Variants in GABRB3 observed in about 807,000 individuals in gnomAD.
The protein encoded by GABRB3 is gamma-aminobutyric acid type A receptor subunit beta3.
In GABRB3, 14 loss-of-function variants were observed where a neutral mutation model predicts 52.1. The observed-to-expected ratio is 0.27, with a 90% CI of 0.18 to 0.42. GABRB3 has a LOEUF of 0.42. Among genes scored for constraint, GABRB3 ranks in the 10% least tolerant of loss-of-function variants. The pLI is 1.00. For synonymous variants in GABRB3, 260 were observed against 232.3 expected (o/e 1.12, Z -1.08); for missense variants, 307 against 609.1 (o/e 0.50, Z 5.22).
chr15:26,759,228 C>G (rs980229630), intron 3 of GABRB3, among the ~76,000 whole-genome samples: 3 of 151,152 alleles, frequency 2.0e-5, no homozygotes, highest in African/African-American at 7.4e-5. Flanking sequence ...ATTAATAAGA[C>G]TAGGAATAAA....
At chr15:26,768,544 A>G (rs1224019531) in intron 3 of GABRB3, among the ~76,000 whole-genome samples, 3 of 151,714 alleles carry the variant, frequency 2.0e-5, no homozygotes, top group African/African-American at 7.3e-5. Flanking sequence ...TGATCTCTTC[A>G]TCTATCTACT....
chr15:26,647,095 G>A (rs12441581), intron 3 of GABRB3, among the ~76,000 whole-genome samples: 15,307 of 152,132 alleles, frequency 0.1, 879 homozygotes, highest in Admixed American at 0.19. Context: ...CACCCACCTC[G>A]GCCTCTCAAA....
chr15:26,752,026 T>C (rs991485028), intron 3 of GABRB3, among the ~76,000 whole-genome samples: 8 of 152,052 alleles, frequency 5.3e-5, no homozygotes, highest in African/African-American at 1.9e-4. Flanking sequence ...CAGCATGCTT[T>C]AAAACATTTT....
At chr15:26,689,545 C>G (rs542542164) in intron 3 of GABRB3, among the ~76,000 whole-genome samples, 5 of 152,114 alleles carry the variant, frequency 3.3e-5, no homozygotes, top group Middle Eastern at 3.2e-3. Context: ...CCTCATTACA[C>G]GTCATGCCTC....
chr15:26,547,724 A>C lies in GABRB3; in HGVS notation c.*69T>G. On this transcript the variant is annotated 3_prime_UTR_variant, in exon 9 of 9. Transcript: ENST00000311550. Reference sequence around the variant, plus strand: ...TGTGTCTGTGTGTGTACAGGTATAAAAACTTGACAGGCAGAGTAATATTTC... The same window carrying C: ...TGTGTCTGTGTGTGTACAGGTATAACAACTTGACAGGCAGAGTAATATTTC... The C allele has an allele frequency of 7.7e-7, 1 of 1,302,028 alleles. No individual in the cohort carries two copies. 80.7% of individuals were successfully genotyped at this position (1,302,028 alleles called of 1,614,324 possible). A position where few individuals can be genotyped will look rare whatever the true frequency, so the allele number is the denominator to read the frequency against.
At chr15:26,604,693 TG>T (rs1210141487) in intron 4 of GABRB3, among the ~76,000 whole-genome samples, 2 of 151,946 alleles carry the variant, frequency 1.3e-5, no homozygotes, top group Non-Finnish European at 2.9e-5. Flanking sequence ...TGTATGGTCC[TG>T]GGAAAACTGG....
intron 7 of GABRB3, among the ~76,000 whole-genome samples, chr15:26,562,730 G>A (rs1405464101): frequency 1.3e-5 from 2 of 152,214 alleles, no homozygotes; most frequent in African/African-American, 4.8e-5. Flanking sequence ...CTGGGAATCA[G>A]CTGGAGAGCA....
intron 3 of GABRB3, among the ~76,000 whole-genome samples, chr15:26,710,344 C>T (rs144058657): frequency 1.4e-3 from 215 of 152,316 alleles, no homozygotes; most frequent in African/African-American, 4.9e-3. Context: ...TCACTGCAAC[C>T]TCCACCTCCC....
At position 26,772,423 on chromosome 15, in the gene GABRB3, G is replaced by A; in HGVS notation, c.219C>T (p.Asp73=). ...VGMNIDIASI[D]MVSEVNMDYT... is the part of the protein sequence containing the mutation. The stretch of plus-strand genomic sequence containing the variant: ...TCACCATGTTGACTTCGGAAACCAT[G>A]TCGATGCTGGCGATGTCGATGTTCA... The change falls in exon 3 of 9, where the codon GAC becomes GAT. Residue 73 remains aspartate, a synonymous_variant. Transcript: ENST00000311550. 1 of 1,610,480 alleles carries A rather than the reference G, an allele frequency of 6.2e-7. No individual in the cohort carries two copies. The highest frequency in any genetic ancestry group is 8.5e-7 in the Non-Finnish European group (1 of 1,178,344).
intron 3 of GABRB3, among the ~76,000 whole-genome samples, chr15:26,680,591 A>T (rs1888209809): frequency 6.6e-6 from 1 of 152,204 alleles, no homozygotes. Context: ...CAGAGTAAAA[A>T]TTCCTAAACT....
At chr15:26,672,959 A>G (rs1465025151) in intron 3 of GABRB3, among the ~76,000 whole-genome samples, 10 of 152,128 alleles carry the variant, frequency 6.6e-5, no homozygotes, top group Non-Finnish European at 1.5e-5. Context: ...TAAAAACATT[A>G]CAAGCACATG....
At chr15:26,625,078 C>G (rs1391376140) in intron 3 of GABRB3, 13 of 506,542 alleles carry the variant, frequency 2.6e-5, no homozygotes, top group Non-Finnish European at 3.3e-5. Flanking sequence ...ACTCCCTCCA[C>G]TCCCTCAAAC....
intron 3 of GABRB3, among the ~76,000 whole-genome samples, chr15:26,735,792 GTAAAAA>G (rs138897537): frequency 0.14 from 21,975 of 151,638 alleles, 1,933 homozygotes; most frequent in East Asian, 0.31. Context: ...CCACAAAAAA[GTAAAAA>G]TAAAAAATTA....
At position 26,685,432 on chromosome 15, in the gene GABRB3, AG is replaced by A. The variant is rs201270544; in HGVS notation, c.241-63899del. Among the ~76,000 whole-genome samples, 1,179 of 152,330 alleles carry A rather than the reference AG, an allele frequency of 7.7e-3. 38 individuals are homozygous for A. The highest frequency in any genetic ancestry group is 0.051 in the Admixed American group (774 of 15,306). On this transcript the variant is annotated intron_variant, in intron 3 of 8. Coordinates refer to ENST00000311550, the MANE Select transcript of GABRB3 (RefSeq NM_000814.6). Reference sequence around the variant, plus strand: ...TAAAGATAGGATCCAACTCTATAACAGCACAATTTCCAAGGGAAAAGAGAAT... The same window carrying A: ...TAAAGATAGGATCCAACTCTATAACACACAATTTCCAAGGGAAAAGAGAAT...
chr15:26,631,110 T>C (rs896042242), intron 3 of GABRB3, among the ~76,000 whole-genome samples: 3 of 152,098 alleles, frequency 2.0e-5, no homozygotes, highest in Non-Finnish European at 2.9e-5. Context: ...AAGCCCTGAG[T>C]GCCGGGAGCA....
In GABRB3 at chr15:26,734,023, CTTTTT is replaced by C. The variant is rs61468831; in HGVS notation, c.240+38374_240+38378del. 7.1e-3 allele frequency among the ~76,000 whole-genome samples: 520 copies of C among 73,418 alleles called. 1 individual carries two copies. Among genetic ancestry groups the C allele is most frequent in the African/African-American group, 0.022 (458 of 20,896 alleles). 48.2% of individuals were successfully genotyped at this position (73,418 alleles called of 152,430 possible). A position where few individuals can be genotyped will look rare whatever the true frequency, so the allele number is the denominator to read the frequency against. On this transcript the variant is annotated intron_variant, in intron 3 of 8. Transcript: ENST00000311550. ...AAATGTAAGCCCTAAAACTATAGGG[CTTTTT>C]TTTTTTTTTTTTTTTTTTGAGGCAG...
intron 3 of GABRB3, among the ~76,000 whole-genome samples, chr15:26,679,369 G>A (rs879442118): frequency 6.6e-6 from 1 of 151,986 alleles, no homozygotes; most frequent in African/African-American, 2.4e-5. Flanking sequence ...AGAATAAAAC[G>A]GTGAGAATCG....
chr15:26,666,144 A>G (rs1405835608), intron 3 of GABRB3, among the ~76,000 whole-genome samples: 1 of 152,180 alleles, frequency 6.6e-6, no homozygotes, highest in Non-Finnish European at 1.5e-5. Flanking sequence ...GCCTCTGTGA[A>G]ACTCCTCAAT....
At chr15:26,773,663 C>T, upstream of GABRB3, 1 of 1,570,534 alleles carries the variant, frequency 6.4e-7, no homozygotes. Context: ...CTCAGAGCCT[C>T]GGGTCCCCAG....
Sources: allele counts gnomAD v4.1 joint callset (sites outside exome capture counted in the v4.1 genomes callset), GRCh38; gene constraint gnomAD v4.1.1; transcripts MANE v1.5; gene names NCBI Gene and HGNC (gene_info 2026-07-23, HGNC 2026-07-21).